Variants in ARID4B observed in about 807,000 individuals in gnomAD.
ARID4B encodes AT-rich interactive domain-containing protein 4B.
ARID4B carries 26 observed loss-of-function variants against 147.5 expected under a neutral mutation model. The observed-to-expected ratio is 0.18, with a 90% CI of 0.13 to 0.24. The LOEUF is 0.24. Among genes scored for constraint, ARID4B ranks in the 10% least tolerant of loss-of-function variants. The probability of loss-of-function intolerance (pLI) is 1.00; values close to 1 mark genes in which losing one functional copy is unlikely to be tolerated. For synonymous variants in ARID4B, 512 were observed against 507.9 expected (o/e 1.01, Z -0.11); for missense variants, 1,179 against 1,511.5 (o/e 0.78, Z 3.65).
chr1:235,242,816 C>G (rs185887554), intron 7 of ARID4B, among the ~76,000 whole-genome samples: 4 of 152,266 alleles, frequency 2.6e-5, no homozygotes, highest in Non-Finnish European at 1.5e-5. Context: ...AGGTTCCTGT[C>G]TAAAATCATC....
intron 2 of ARID4B, among the ~76,000 whole-genome samples, chr1:235,288,908 G>C (rs984465281): frequency 6.6e-6 from 1 of 152,206 alleles, no homozygotes; most frequent in Admixed American, 6.5e-5. Flanking sequence ...TAATCCTAGA[G>C]GAGTTTAACA....
At chr1:235,310,956 C>G (rs924663607) in intron 2 of ARID4B, among the ~76,000 whole-genome samples, 4 of 152,144 alleles carry the variant, frequency 2.6e-5, no homozygotes, top group African/African-American at 9.7e-5. Flanking sequence ...CAGGTATAAG[C>G]CACCGCACCC....
intron 2 of ARID4B, among the ~76,000 whole-genome samples, chr1:235,280,021 C>T (rs7540410): frequency 0.13 from 19,996 of 152,038 alleles, 1,526 homozygotes; most frequent in African/African-American, 0.2. Context: ...AAATCGCAGC[C>T]GTAAACATGA....
chr1:235,321,960 C>T (rs1349373145), intron 2 of ARID4B, among the ~76,000 whole-genome samples: 3 of 152,018 alleles, frequency 2.0e-5, no homozygotes, highest in African/African-American at 4.8e-5. Flanking sequence ...CTCAGCTCAC[C>T]GCAACCTCCA....
At chr1:235,236,749 G>C (rs1390791381) in intron 8 of ARID4B, among the ~76,000 whole-genome samples, 1 of 145,284 alleles carries the variant, frequency 6.9e-6, no homozygotes, top group African/African-American at 2.5e-5. Flanking sequence ...CTGACCTCAA[G>C]TGATCTGCCC....
intron 2 of ARID4B, among the ~76,000 whole-genome samples, chr1:235,290,653 A>G (rs1672279877): frequency 1.3e-5 from 2 of 152,218 alleles, no homozygotes; most frequent in South Asian, 4.1e-4. Flanking sequence ...TCTGTCCTAT[A>G]CAGAACTGCA....
At chr1:235,310,020 A>G (rs933540145) in intron 2 of ARID4B, among the ~76,000 whole-genome samples, 3 of 151,914 alleles carry the variant, frequency 2.0e-5, no homozygotes, top group African/African-American at 4.8e-5. Flanking sequence ...AATCTCAAGT[A>G]CCCAGGGACA....
chr1:235,269,729 A>C (rs1445213961), intron 2 of ARID4B, among the ~76,000 whole-genome samples: 1 of 152,184 alleles, frequency 6.6e-6, no homozygotes, highest in Admixed American at 6.5e-5. Flanking sequence ...AAGATAAATT[A>C]GATATAGAGC....
intron 22 of ARID4B, among the ~76,000 whole-genome samples, chr1:235,174,582 C>A (rs1312476758): frequency 2.7e-5 from 4 of 150,760 alleles, no homozygotes. Flanking sequence ...GGATGGATCA[C>A]CTGAGGTCAG....
chr1:235,270,699 C>A (rs1319050617), intron 2 of ARID4B, among the ~76,000 whole-genome samples: 2 of 152,304 alleles, frequency 1.3e-5, no homozygotes, highest in Non-Finnish European at 2.9e-5. Context: ...ATCAAAAAAG[C>A]AAAGGAGCTT....
intron 3 of ARID4B, among the ~76,000 whole-genome samples, chr1:235,258,792 T>A (rs560530427): frequency 2.9e-4 from 44 of 152,300 alleles, no homozygotes; most frequent in Non-Finnish European, 5.1e-4. Flanking sequence ...AAATCACATG[T>A]TTAGATATCT....
At chr1:235,172,464 G>A (rs1163497028) in intron 23 of ARID4B, among the ~76,000 whole-genome samples, 154 bp downstream of exon 23, 2 of 152,108 alleles carry the variant, frequency 1.3e-5, no homozygotes, top group Non-Finnish European at 2.9e-5. Context: ...TGTAATTCCA[G>A]CTACTTAGGA....
chr1:235,172,582 T>TA, intron 23 of ARID4B, 36 bp downstream of exon 23: 1 of 1,320,978 alleles, frequency 7.6e-7, no homozygotes, highest in Non-Finnish European at 1.0e-6. Flanking sequence ...TGTCTCAAAA[T>TA]AAATAAATAA....
chr1:235,280,172 C>T (rs1041644301), intron 2 of ARID4B, among the ~76,000 whole-genome samples: 8 of 152,160 alleles, frequency 5.3e-5, no homozygotes, highest in African/African-American at 1.7e-4. Context: ...CTGACAGTAA[C>T]TTCAAGTCTA....
intron 2 of ARID4B, among the ~76,000 whole-genome samples, chr1:235,326,526 C>T: frequency 6.6e-6 from 1 of 152,218 alleles, no homozygotes; most frequent in Non-Finnish European, 1.5e-5. Flanking sequence ...TTTTACAGTA[C>T]TGTTCACACA....
intron 13 of ARID4B, among the ~76,000 whole-genome samples, chr1:235,222,787 A>G (rs567235746): frequency 1.1e-4 from 17 of 150,272 alleles, no homozygotes; most frequent in Non-Finnish European, 2.4e-4. Context: ...GGTTCAAGCG[A>G]TTCTCGTGCC....
At position 235,224,683 on chromosome 1, in the gene ARID4B, GATAA is replaced by G. The variant is rs1667712994; in HGVS notation, c.970+16_970+19del. ...TCTGTCCAAAACTTACCACGTTAAT[GATAA>G]ATAAAAAATACTCACCTCTATCTTC... On this transcript the variant is annotated intron_variant, in intron 12 of 23. Transcript: ENST00000264183. 1 of 1,504,986 alleles carries G rather than the reference GATAA, an allele frequency of 6.6e-7. No homozygotes were observed. Among genetic ancestry groups the G allele is most frequent in the Non-Finnish European group, 9.2e-7 (1 of 1,089,444 alleles). The allele number at this position is 1,504,986 out of a possible 1,614,324, so 93.2% of individuals were successfully genotyped here. A position where few individuals can be genotyped will look rare whatever the true frequency, so the allele number is the denominator to read the frequency against.
intron 2 of ARID4B, among the ~76,000 whole-genome samples, chr1:235,262,808 T>TA (rs201240039): frequency 5.9e-5 from 9 of 151,508 alleles, no homozygotes; most frequent in Non-Finnish European, 8.8e-5. Flanking sequence ...CTCAATTAAT[T>TA]AAAAAAAAAT....
intron 11 of ARID4B, among the ~76,000 whole-genome samples, chr1:235,227,918 C>T (rs570163949): frequency 3.1e-4 from 47 of 151,304 alleles, no homozygotes; most frequent in African/African-American, 9.5e-4. Flanking sequence ...CTGCAAGCTC[C>T]GCCTCCCGGG....
Sources: allele counts gnomAD v4.1 joint callset (sites outside exome capture counted in the v4.1 genomes callset), GRCh38; gene constraint gnomAD v4.1.1; transcripts MANE v1.5; gene names NCBI Gene and HGNC (gene_info 2026-07-23, HGNC 2026-07-21).